Variants in GSK3B observed in about 807,000 individuals in gnomAD.
The protein encoded by GSK3B is glycogen synthase kinase 3 beta, also known as glycogen synthase kinase-3 beta.
In GSK3B, 15 loss-of-function variants were observed where a neutral mutation model predicts 56.4. That is an observed-to-expected ratio of 0.27 (90% CI 0.18 to 0.41). The LOEUF (loss-of-function observed/expected upper bound fraction) is 0.41. GSK3B is among the 10% of genes least tolerant of loss of function. The pLI, the probability that GSK3B is intolerant of heterozygous loss-of-function variation, is 1.00. For missense variants in GSK3B, 300 were observed against 513.4 expected, an observed-to-expected ratio of 0.58 and a Z score of 4.02; for synonymous variants, 181 against 188.9, an observed-to-expected ratio of 0.96 and a Z score of 0.34.
intron 1 of GSK3B, among the ~76,000 whole-genome samples, chr3:120,040,946 C>A (rs2058060624): frequency 6.6e-6 from 1 of 151,976 alleles, no homozygotes; most frequent in Non-Finnish European, 1.5e-5. Context: ...TCCCTCCCAG[C>A]CTAAGTATCC....
chr3:119,978,609 T>G (rs951397875), intron 2 of GSK3B, among the ~76,000 whole-genome samples: 2 of 152,162 alleles, frequency 1.3e-5, no homozygotes, highest in Non-Finnish European at 2.9e-5. Context: ...TCCTGGATCC[T>G]GAGGGTCTCT....
intron 4 of GSK3B, 135 bp downstream of exon 4, chr3:119,923,238 A>C (rs2056860632): frequency 2.0e-6 from 1 of 491,194 alleles, no homozygotes; most frequent in African/African-American, 2.0e-5. Context: ...GATTTAACAA[A>C]GTTCCAACAA....
intron 1 of GSK3B, among the ~76,000 whole-genome samples, chr3:120,012,495 G>A (rs537236500): frequency 4.8e-4 from 73 of 152,248 alleles, no homozygotes; most frequent in African/African-American, 8.4e-4. Flanking sequence ...CCTCTCTCCC[G>A]TCAGAGGACT....
intron 10 of GSK3B, among the ~76,000 whole-genome samples, chr3:119,827,494 G>A (rs1309069826): frequency 6.6e-6 from 1 of 151,324 alleles, no homozygotes; most frequent in East Asian, 1.9e-4. Flanking sequence ...AGAGAAAGAT[G>A]GGAGGCTAAG....
chr3:119,885,398 C>T (rs934669551), intron 7 of GSK3B, among the ~76,000 whole-genome samples: 3 of 151,844 alleles, frequency 2.0e-5, no homozygotes, highest in African/African-American at 4.8e-5. Flanking sequence ...GCATTCCATG[C>T]TCATGGATTG....
At chr3:120,019,094 T>G (rs1238621314) in intron 1 of GSK3B, among the ~76,000 whole-genome samples, 1 of 152,148 alleles carries the variant, frequency 6.6e-6, no homozygotes, top group African/African-American at 2.4e-5. Flanking sequence ...CACATAATAG[T>G]TTTAGGCATC....
At chr3:120,067,649 ATAAAG>A (rs2107560063) in intron 1 of GSK3B, among the ~76,000 whole-genome samples, 1 of 152,350 alleles carries the variant, frequency 6.6e-6, no homozygotes, top group African/African-American at 2.4e-5. Flanking sequence ...GTACCATGCA[ATAAAG>A]TAATCTGACT....
chr3:120,004,918 G>C (rs1465021746), intron 1 of GSK3B, among the ~76,000 whole-genome samples: 1 of 152,156 alleles, frequency 6.6e-6, no homozygotes, highest in Non-Finnish European at 1.5e-5. Context: ...ACTGGATGCA[G>C]AATGAGTTTG....
At chr3:119,854,873 C>T (rs1340471482) in intron 9 of GSK3B, among the ~76,000 whole-genome samples, 2 of 152,108 alleles carry the variant, frequency 1.3e-5, no homozygotes, top group East Asian at 3.8e-4. Context: ...AAAACCAGCT[C>T]CTGGATTCAC....
At chr3:119,986,263 A>G (rs979810938) in intron 2 of GSK3B, among the ~76,000 whole-genome samples, 1 of 152,192 alleles carries the variant, frequency 6.6e-6, no homozygotes, top group African/African-American at 2.4e-5. Context: ...ATCATTCAGG[A>G]CATAGTTATG....
intron 2 of GSK3B, among the ~76,000 whole-genome samples, chr3:119,960,470 C>T (rs914849435): frequency 6.6e-6 from 1 of 152,066 alleles, no homozygotes; most frequent in Non-Finnish European, 1.5e-5. Flanking sequence ...ACAAGAGAAT[C>T]TGAGGAAATT....
intron 1 of GSK3B, among the ~76,000 whole-genome samples, chr3:120,043,570 T>C (rs1207966367): frequency 6.6e-6 from 1 of 152,082 alleles, no homozygotes; most frequent in Non-Finnish European, 1.5e-5. Flanking sequence ...ACACCCCAAA[T>C]TGAGAGATAT....
intron 2 of GSK3B, among the ~76,000 whole-genome samples, chr3:119,966,980 A>G (rs1187615381): frequency 6.6e-6 from 1 of 152,252 alleles, no homozygotes; most frequent in Non-Finnish European, 1.5e-5. Context: ...GATATAAATA[A>G]AGACAATCTA....
chr3:120,086,063 T>C (rs144221540), intron 1 of GSK3B, among the ~76,000 whole-genome samples: 39 of 152,212 alleles, frequency 2.6e-4, no homozygotes, highest in African/African-American at 8.9e-4. Flanking sequence ...TCTAGAAAAG[T>C]TCCTCTCTAC....
chr3:119,863,791 T>C (rs756945615), intron 8 of GSK3B, among the ~76,000 whole-genome samples, 186 bp from the exon 9 acceptor site: 2 of 152,208 alleles, frequency 1.3e-5, no homozygotes, highest in African/African-American at 2.4e-5. Flanking sequence ...TTAAAGATTA[T>C]ATGAGAAATG....
chr3:119,879,884 GT>G (rs2056360552), intron 7 of GSK3B, among the ~76,000 whole-genome samples: 1 of 151,988 alleles, frequency 6.6e-6, no homozygotes, highest in African/African-American at 2.4e-5. Context: ...GAACACTTAG[GT>G]TGCTTCCAAA....
intron 1 of GSK3B, among the ~76,000 whole-genome samples, chr3:120,016,578 T>C (rs573007580): frequency 2.0e-5 from 3 of 152,246 alleles, no homozygotes; most frequent in Admixed American, 1.3e-4. Flanking sequence ...AACCAACTTT[T>C]TGTGTTCAGC....
At chr3:120,082,863 CTT>C (rs1209904594) in intron 1 of GSK3B, among the ~76,000 whole-genome samples, 1 of 151,994 alleles carries the variant, frequency 6.6e-6, no homozygotes, top group Admixed American at 6.6e-5. Context: ...ATTAATTTCA[CTT>C]GTGTCTATTT....
At chr3:119,949,770 G>A (rs1414449636) in intron 2 of GSK3B, among the ~76,000 whole-genome samples, 2 of 141,162 alleles carry the variant, frequency 1.4e-5, no homozygotes, top group Non-Finnish European at 3.0e-5. Context: ...CACAGCACTG[G>A]GCAACAGAGC....
Sources: allele counts gnomAD v4.1 joint callset (sites outside exome capture counted in the v4.1 genomes callset), GRCh38; gene constraint gnomAD v4.1.1; transcripts MANE v1.5; gene names NCBI Gene and HGNC (gene_info 2026-07-23, HGNC 2026-07-21).